The following CPNE4 variants were observed in gnomAD, a reference collection of about 807,000 sequenced individuals.
CPNE4 encodes the protein copine-4.
A neutral mutation model predicts 67.9 loss-of-function variants in CPNE4; 25 were observed. That is an observed-to-expected ratio of 0.37 (90% CI 0.27 to 0.51). The LOEUF is 0.51. CPNE4 is among the 20% of genes least tolerant of loss of function. CPNE4 has a pLI of 0.93. For synonymous variants in CPNE4, 242 were observed against 244.9 expected (o/e 0.99, Z 0.11); for missense variants, 464 against 690.8 (o/e 0.67, Z 3.68).
At chr3:131,906,500 G>A (rs1028740940) in intron 1 of CPNE4, among the ~76,000 whole-genome samples, 10 of 149,508 alleles carry the variant, frequency 6.7e-5, no homozygotes, top group African/African-American at 2.5e-4. Flanking sequence ...AGAACACGCG[G>A]TGTTTGGTTT....
rs7643350 is a variant in CPNE4 at position 131,717,853 on chromosome 3, G to A, written c.360+5593C>T. Among the ~76,000 whole-genome samples, 30 of 81,234 alleles carry A rather than the reference G, an allele frequency of 3.7e-4. 2 individuals are homozygous for A. The South Asian group carries it at 9.2e-3, about 25-fold the overall frequency. The allele number at this position is 81,234 out of a possible 152,430, so 53.3% of individuals were successfully genotyped here. A position where few individuals can be genotyped will look rare whatever the true frequency, so the allele number is the denominator to read the frequency against. ...TTCTTCCTTCCTTCCTTCCTTCCTC[G>A]CTCCCTCCTTTCTTTCTTTCTTTTC... On this transcript the variant is annotated intron_variant, in intron 3 of 15. Transcript: ENST00000429747.
chr3:132,030,934 C>T (rs2074222729), intron 1 of CPNE4, among the ~76,000 whole-genome samples: 1 of 152,142 alleles, frequency 6.6e-6, no homozygotes, highest in African/African-American at 2.4e-5. Flanking sequence ...ATGCATCTTA[C>T]CTGACCCATT....
chr3:131,680,218 G>A (rs1019711792), intron 6 of CPNE4, among the ~76,000 whole-genome samples: 10 of 147,896 alleles, frequency 6.8e-5, no homozygotes, highest in Non-Finnish European at 1.2e-4. Flanking sequence ...TTGGTTTAAA[G>A]TCTGTTTTGT....
At chr3:131,638,143 G>C (rs548113210) in intron 7 of CPNE4, among the ~76,000 whole-genome samples, 1 of 151,728 alleles carries the variant, frequency 6.6e-6, no homozygotes, top group Non-Finnish European at 1.5e-5. Flanking sequence ...AAACCACAAG[G>C]TATTCAGGCC....
chr3:131,810,854 T>TA (rs1254470292), intron 2 of CPNE4, among the ~76,000 whole-genome samples: 1 of 152,002 alleles, frequency 6.6e-6, no homozygotes, highest in African/African-American at 2.4e-5. Flanking sequence ...TATTCGGCCT[T>TA]AAAAAAGAAG....
At chr3:131,758,211 T>TCA (rs1445978928) in intron 2 of CPNE4, among the ~76,000 whole-genome samples, 5 of 152,100 alleles carry the variant, frequency 3.3e-5, no homozygotes, top group Admixed American at 1.3e-4. Context: ...AGACACTCAA[T>TCA]GCCAGCCCAT....
At chr3:131,915,425 G>T (rs73206065) in intron 1 of CPNE4, among the ~76,000 whole-genome samples, 11,356 of 152,208 alleles carry the variant, frequency 0.075, 566 homozygotes, top group East Asian at 0.17. Context: ...CAAGTTGAGG[G>T]TCTAAGAACT....
chr3:132,033,717 TGAA>T (rs2074290073), intron 1 of CPNE4, among the ~76,000 whole-genome samples: 1 of 152,214 alleles, frequency 6.6e-6, no homozygotes, highest in African/African-American at 2.4e-5. Context: ...TACTCCAAGA[TGAA>T]GGAGGAGCAT....
intron 2 of CPNE4, among the ~76,000 whole-genome samples, chr3:131,843,484 GTATT>G (rs775722291): frequency 1.4e-4 from 21 of 152,330 alleles, no homozygotes; most frequent in Admixed American, 3.3e-4. Flanking sequence ...GAAAGTGTGA[GTATT>G]TATTAAGCAA....
At chr3:131,955,874 C>T (rs1870712) in intron 1 of CPNE4, among the ~76,000 whole-genome samples, 81,733 of 151,754 alleles carry the variant, frequency 0.54, 22,847 homozygotes, top group Admixed American at 0.68. Flanking sequence ...TTATACCCCT[C>T]GAAGTGTCAA....
At chr3:131,771,352 C>T (rs73875010) in intron 2 of CPNE4, among the ~76,000 whole-genome samples, 5,729 of 152,084 alleles carry the variant, frequency 0.038, 377 homozygotes, top group African/African-American at 0.13. Flanking sequence ...TGTTGAAACT[C>T]GATCCGAATG....
At chr3:131,813,378 T>A (rs950823949) in intron 2 of CPNE4, among the ~76,000 whole-genome samples, 22 of 150,722 alleles carry the variant, frequency 1.5e-4, no homozygotes, top group Admixed American at 8.6e-4. Context: ...TCACGTTTTT[T>A]AAATATATAT....
chr3:131,834,247 G>C (rs2085476475), intron 2 of CPNE4, among the ~76,000 whole-genome samples: 1 of 151,916 alleles, frequency 6.6e-6, no homozygotes, highest in Admixed American at 6.6e-5. Context: ...TCCTTTATTA[G>C]TATTATGGAA....
chr3:131,870,382 C>T (rs544029988), intron 2 of CPNE4, among the ~76,000 whole-genome samples: 2 of 152,278 alleles, frequency 1.3e-5, no homozygotes, highest in South Asian at 2.1e-4. Flanking sequence ...GCCATACTTA[C>T]ACAGATTTAC....
At chr3:132,009,804 G>A (rs1171947206) in intron 1 of CPNE4, among the ~76,000 whole-genome samples, 1 of 152,208 alleles carries the variant, frequency 6.6e-6, no homozygotes, top group African/African-American at 2.4e-5. Context: ...AAAGCCTGGA[G>A]ATATTTTAAG....
intron 2 of CPNE4, among the ~76,000 whole-genome samples, chr3:131,898,870 A>T (rs565388208): frequency 6.6e-6 from 1 of 152,092 alleles, no homozygotes; most frequent in South Asian, 2.1e-4. Flanking sequence ...CTTATTAAGG[A>T]TGTGTTAAGG....
At chr3:131,668,166 A>G (rs1160026191) in intron 7 of CPNE4, among the ~76,000 whole-genome samples, 2 of 152,190 alleles carry the variant, frequency 1.3e-5, no homozygotes, top group Non-Finnish European at 2.9e-5. Flanking sequence ...CTAAGAGTTC[A>G]ACTGCAAAGC....
At chr3:131,830,815 G>C (rs939684851) in intron 2 of CPNE4, among the ~76,000 whole-genome samples, 2 of 151,966 alleles carry the variant, frequency 1.3e-5, no homozygotes, top group Admixed American at 1.3e-4. Context: ...TTAGCATATA[G>C]TAGGTACTGA....
At chr3:131,850,928 T>G (rs6772418) in intron 2 of CPNE4, among the ~76,000 whole-genome samples, 96,015 of 151,784 alleles carry the variant, frequency 0.63, 30,595 homozygotes, top group Middle Eastern at 0.72. Flanking sequence ...TAATACCCAT[T>G]AAAATTAAAT....
Sources: allele counts gnomAD v4.1 joint callset (sites outside exome capture counted in the v4.1 genomes callset), GRCh38; gene constraint gnomAD v4.1.1; transcripts MANE v1.5; gene names NCBI Gene and HGNC (gene_info 2026-07-23, HGNC 2026-07-21).